Variants in LRRC51 observed in about 807,000 individuals in gnomAD.
The protein encoded by LRRC51 is leucine-rich repeat-containing protein 51.
A neutral mutation model predicts 17.8 loss-of-function variants in LRRC51; 8 were observed. That is an observed-to-expected ratio of 0.45 (90% CI 0.26 to 0.81). The LOEUF (loss-of-function observed/expected upper bound fraction) is 0.81. LRRC51 is among the 30% of genes least tolerant of loss of function. LRRC51 has a pLI of 0.17. For synonymous variants in LRRC51, 92 were observed against 96.0 expected (o/e 0.96, Z 0.24); for missense variants, 233 against 239.3 (o/e 0.97, Z 0.17).
chr11:72,083,166 G>A lies in LRRC51; in HGVS notation c.-140+2281G>A, dbSNP rs574344583. On this transcript the variant is annotated intron_variant, in intron 1 of 5. Coordinates refer to ENST00000289488, the MANE Select transcript of LRRC51 (RefSeq NM_145309.6). Reference sequence around the variant, plus strand: ...AGGCGTGAGCCGCCACGCCCAGCCAGCCCCCATTTAATATTAATACTATGT... The same window carrying A: ...AGGCGTGAGCCGCCACGCCCAGCCAACCCCCATTTAATATTAATACTATGT... Among the ~76,000 whole-genome samples the A allele has an allele frequency of 1.2e-4, 19 of 152,146 alleles. 1 individual carries two copies. Among genetic ancestry groups the A allele is most frequent in the Admixed American group, 6.5e-4 (10 of 15,282 alleles).
intron 3 of LRRC51, chr11:72,089,402 G>A: frequency 7.0e-7 from 1 of 1,434,052 alleles, no homozygotes; most frequent in Admixed American, 2.2e-5. Flanking sequence ...GCCCCTGTTT[G>A]TTTTTTTTAA....
At chr11:72,088,921 C>T (rs1169817399) in intron 2 of LRRC51, 108 bp from the exon 3 acceptor site, 7 of 1,300,068 alleles carry the variant, frequency 5.4e-6, no homozygotes, top group African/African-American at 1.5e-5. Flanking sequence ...AATGGAAATA[C>T]AGCCAGGCAG....
chr11:72,088,899 T>C, intron 2 of LRRC51, 130 bp from the exon 3 acceptor site: 7 of 1,087,922 alleles, frequency 6.4e-6, no homozygotes, highest in Non-Finnish European at 9.2e-6. Context: ...GAAGAGTGAT[T>C]TCATATCTTA....
chr11:72,084,732 G>A (rs531383646), intron 1 of LRRC51, among the ~76,000 whole-genome samples: 22 of 150,690 alleles, frequency 1.5e-4, no homozygotes, highest in African/African-American at 5.4e-4. Context: ...AGCTACTCAG[G>A]AAGCTAAGGT....
At chr11:72,083,229 A>T (rs1465720081) in intron 1 of LRRC51, among the ~76,000 whole-genome samples, 1 of 152,172 alleles carries the variant, frequency 6.6e-6, no homozygotes, top group African/African-American at 2.4e-5. Flanking sequence ...CCTCCAGTCT[A>T]ACCATACATA....
chr11:72,096,705 T>C lies in LRRC51; in HGVS notation c.*1185T>C. Reference sequence around the variant, plus strand: ...TTTGGGGGTTAAAGTAGATCAGTAATTTCCAAACTCTTCACAGAGTACCAG... The same window carrying C: ...TTTGGGGGTTAAAGTAGATCAGTAACTTCCAAACTCTTCACAGAGTACCAG... On this transcript the variant is annotated 3_prime_UTR_variant, in exon 6 of 6. Transcript: ENST00000289488. 1 of 1,548,788 alleles carries C rather than the reference T, an allele frequency of 6.5e-7. No homozygotes were observed. Among genetic ancestry groups the C allele is most frequent in the Non-Finnish European group, 8.7e-7 (1 of 1,145,616 alleles).
chr11:72,087,758 GT>G (rs1393618017), intron 1 of LRRC51, among the ~76,000 whole-genome samples: 1 of 152,144 alleles, frequency 6.6e-6, no homozygotes, highest in East Asian at 1.9e-4. Context: ...ATCTCAGTAA[GT>G]TTTAATATTG....
rs1259883388 is a variant in LRRC51 at position 72,096,699 on chromosome 11, C to A, written c.*1179C>A. The A allele has an allele frequency of 1.4e-5, 22 of 1,548,382 alleles. No homozygotes were observed. The highest frequency in any genetic ancestry group is 1.7e-5 in the Non-Finnish European group (20 of 1,145,506). ...TAGAGATTTGGGGGTTAAAGTAGATCAGTAATTTCCAAACTCTTCACAGAG... is the reference window on the plus strand; with the variant it reads ...TAGAGATTTGGGGGTTAAAGTAGATAAGTAATTTCCAAACTCTTCACAGAG... On this transcript the variant is annotated 3_prime_UTR_variant, in exon 6 of 6. Transcript: ENST00000289488.
chr11:72,088,255 A>G (rs1359940334), intron 1 of LRRC51, 42 bp from the exon 2 acceptor site: 4 of 656,970 alleles, frequency 6.1e-6, no homozygotes, highest in Non-Finnish European at 1.1e-5. Flanking sequence ...TTCACACCAC[A>G]TTGCAAGTGA....
At chr11:72,083,404 C>A (rs938534885) in intron 1 of LRRC51, among the ~76,000 whole-genome samples, 17 of 152,204 alleles carry the variant, frequency 1.1e-4, no homozygotes, top group African/African-American at 4.1e-4. Context: ...CTTTAGATTT[C>A]TCTCAGTCAC....
At position 72,088,397 on chromosome 11, in the gene LRRC51, C is replaced by T. The variant is rs1214698870; in HGVS notation, c.-56+17C>T. Reference sequence around the variant, plus strand: ...CAGTGACAGGTGAGTGAGAGGTAGACTCTGGTTTTGTGTGTGTGTATGTTT... The same window carrying T: ...CAGTGACAGGTGAGTGAGAGGTAGATTCTGGTTTTGTGTGTGTGTATGTTT... On this transcript the variant is annotated intron_variant, in intron 2 of 5. Transcript: ENST00000289488. The T allele has an allele frequency of 2.3e-5, 16 of 702,224 alleles. No homozygotes were observed. The highest frequency in any genetic ancestry group is 3.9e-5 in the Non-Finnish European group (15 of 384,882). The allele number at this position is 702,224 out of a possible 1,614,324, so 43.5% of individuals were successfully genotyped here.
chr11:72,095,288 T>C, intron 5 of LRRC51, 91 bp from the exon 6 acceptor site: 2 of 1,609,672 alleles, frequency 1.2e-6, no homozygotes, highest in Non-Finnish European at 1.7e-6. Context: ...GTCCCTCCAT[T>C]CCTTGCAGTC....
intron 3 of LRRC51, among the ~76,000 whole-genome samples, chr11:72,091,570 A>G (rs1017175198): frequency 2.6e-5 from 4 of 152,180 alleles, no homozygotes; most frequent in African/African-American, 4.8e-5. Context: ...TTCCTTCCCC[A>G]GGGGTGAACT....
intron 4 of LRRC51, chr11:72,094,364 T>C (rs1945045779): frequency 3.6e-6 from 1 of 276,584 alleles, no homozygotes; most frequent in African/African-American, 2.2e-5. Context: ...AAATTCTAAC[T>C]GTCACTGCGC....
chr11:72,087,334 GGGTCTT>G lies in LRRC51; in HGVS notation c.-139-961_-139-956del, dbSNP rs200556432. On this transcript the variant is annotated intron_variant, in intron 1 of 5. Coordinates refer to ENST00000289488, the MANE Select transcript of LRRC51 (RefSeq NM_145309.6). ...TTTTTTTCCTGAGACAGGGTCTACA[GGGTCTT>G]GCTCTGTCGCCCAGGCTGGAGTGCA... is the stretch of plus-strand genomic sequence containing the variant. 8.2e-3 allele frequency among the ~76,000 whole-genome samples: 1,074 copies of G among 131,454 alleles called. 8 individuals carry two copies. The highest frequency in any genetic ancestry group is 0.012 in the Non-Finnish European group (803 of 65,120). 86.2% of individuals were successfully genotyped at this position (131,454 alleles called of 152,430 possible).
intron 1 of LRRC51, among the ~76,000 whole-genome samples, chr11:72,085,152 A>G (rs1944462284): frequency 6.6e-6 from 1 of 152,188 alleles, no homozygotes; most frequent in African/African-American, 2.4e-5. Flanking sequence ...GGACAGATGA[A>G]GGTGCTGGCA....
Position 72,093,489 on chromosome 11 carries a change from C to A in LRRC51, c.83-7C>A. On this transcript the variant is annotated splice_polypyrimidine_tract_variant and splice_region_variant and intron_variant, in intron 3 of 5. Transcript: ENST00000289488. Reference sequence around the variant, plus strand: ...GATGATACCCAAGTCTCACTTTGTCCCCACAGATCTGGTAAATGAGGAGCC... The same window carrying A: ...GATGATACCCAAGTCTCACTTTGTCACCACAGATCTGGTAAATGAGGAGCC... 1.9e-6 allele frequency: 3 copies of A among 1,609,592 alleles called. No homozygotes were observed. Among genetic ancestry groups the A allele is most frequent in the Non-Finnish European group, 2.5e-6 (3 of 1,177,938 alleles).
intron 4 of LRRC51, chr11:72,094,516 G>A: frequency 5.0e-6 from 3 of 595,284 alleles, no homozygotes; most frequent in Non-Finnish European, 9.0e-6. Flanking sequence ...GGGGAAAGGA[G>A]CTGGAGCATG....
At chr11:72,083,523 G>A (rs1397730491) in intron 1 of LRRC51, among the ~76,000 whole-genome samples, 1 of 152,018 alleles carries the variant, frequency 6.6e-6, no homozygotes, top group East Asian at 1.9e-4. Flanking sequence ...AATTTTTAAT[G>A]TGTTTGTTAA....
Sources: gnomAD v4.1 joint callset for allele counts (sites outside exome capture counted in the v4.1 genomes callset) on GRCh38, gnomAD v4.1.1 for gene constraint, MANE v1.5 for transcripts, NCBI Gene and HGNC (gene_info 2026-07-23, HGNC 2026-07-21) for gene names.